The following ITLN1 variants were observed in gnomAD, a reference collection of about 807,000 sequenced individuals.
ITLN1 encodes the protein intelectin 1.
Under a neutral mutation model 36.2 loss-of-function variants are expected in ITLN1, and 29 were observed. That is an observed-to-expected ratio of 0.80 (90% CI 0.60 to 1.09). ITLN1 has a LOEUF of 1.09. ITLN1 is among the 50% of genes least tolerant of loss of function. ITLN1 has a pLI of 0.00. For synonymous variants in ITLN1, 143 were observed against 146.5 expected, an observed-to-expected ratio of 0.98 and a Z score of 0.17; for missense variants, 358 against 405.2, an observed-to-expected ratio of 0.88 and a Z score of 1.00.
In ITLN1 at chr1:160,881,820, A is replaced by G. The variant is rs1670683946; in HGVS notation, c.405+137T>C. ...CCGTCTCAAGAAAAAAAAAAAAAAA[A>G]AAAAAGATATAAGTATTTCTCTCTT... On this transcript the variant is annotated intron_variant, in intron 4 of 7. Transcript: ENST00000326245. The G allele has an allele frequency of 2.5e-6, 3 of 1,221,430 alleles. No homozygotes were observed. In the Admixed American group the frequency reaches 6.7e-5, roughly 27 times the overall value. The allele number at this position is 1,221,430 out of a possible 1,614,324, so 75.7% of individuals were successfully genotyped here.
At chr1:160,884,100 G>A (rs551489478) in intron 2 of ITLN1, among the ~76,000 whole-genome samples, 1 of 151,376 alleles carries the variant, frequency 6.6e-6, no homozygotes, top group Non-Finnish European at 1.5e-5. Context: ...TGATTTATCA[G>A]TAGGAAGCCA....
intron 3 of ITLN1, 85 bp from the exon 4 acceptor site, chr1:160,882,289 A>G (rs1670694084): frequency 6.7e-7 from 1 of 1,501,006 alleles, no homozygotes. Flanking sequence ...CCTAGGAACC[A>G]GAGACATGGC....
At chr1:160,882,351 G>T in intron 3 of ITLN1, 147 bp from the exon 4 acceptor site, 1 of 937,308 alleles carries the variant, frequency 1.1e-6, no homozygotes, top group Non-Finnish European at 1.5e-6. Context: ...GGGGTACTGG[G>T]GCCTCCCTGA....
intron 7 of ITLN1, 35 bp downstream of exon 7, chr1:160,879,272 CCTTA>C: frequency 6.8e-7 from 1 of 1,461,988 alleles, no homozygotes; most frequent in Non-Finnish European, 9.6e-7. Flanking sequence ...ACAAACTCGA[CCTTA>C]CTCACAGGTC....
Position 160,883,584 on chromosome 1 carries a change from C to T in ITLN1, c.59-58G>A, listed in dbSNP as rs989859515. The T allele has an allele frequency of 7.5e-6, 9 of 1,197,004 alleles. No individual in the cohort carries two copies. In the African/African-American group the frequency reaches 1.2e-4, roughly 16 times the overall value. 74.1% of individuals were successfully genotyped at this position (1,197,004 alleles called of 1,614,324 possible). On this transcript the variant is annotated intron_variant, in intron 2 of 7. Transcript: ENST00000326245. ...GGTTTGACACAAAACCTACCCTCTC[C>T]TATCACTAGTCCCACGCTCATTCCA...
Position 160,882,181 on chromosome 1 carries a change from C to T in ITLN1, c.181G>A (p.Glu61Lys), listed in dbSNP as rs748840487. Residue 61 changes from glutamate (E) to lysine (K), a missense_variant, in exon 4 of 8, where the codon GAG (glutamate) becomes AAG (lysine). Physicochemically the swap from Glu to Lys is moderately conservative, Grantham distance 56. Coordinates refer to ENST00000326245, the MANE Select transcript of ITLN1 (RefSeq NM_017625.3). ...AFDGLYFLRT[E>K]NGVIYQTFCD... ...AAGGTCTGGTAGATAACACCATTCT[C>T]AGTGCGGAGAAAATACAGGCCATCT... The T allele has an allele frequency of 7.5e-6, 12 of 1,590,506 alleles. No individual in the cohort carries two copies. Among genetic ancestry groups the T allele is most frequent in the Admixed American group, 1.7e-5 (1 of 58,620 alleles).
chr1:160,883,635 G>C, intron 2 of ITLN1, 109 bp from the exon 3 acceptor site: 2 of 718,136 alleles, frequency 2.8e-6, no homozygotes, highest in Admixed American at 4.2e-5. Context: ...CTCGCTGCCC[G>C]GGTGGTAAGG....
Position 160,879,359 on chromosome 1 carries a change from G to C in ITLN1, c.741C>G (p.Ala247=), listed in dbSNP as rs1346777170. ...QFRVFNNERA[A]NALCAGMRVT... ...CCCTCATTCCAGCACACAAGGCGTT[G>C]GCTGCTCTCTCGTTATTAAATACCC... Residue 247 remains alanine (A), a synonymous_variant, in exon 7 of 8, where the codon GCC becomes GCG. Coordinates refer to ENST00000326245, the MANE Select transcript of ITLN1 (RefSeq NM_017625.3). The C allele has an allele frequency of 9.3e-6, 15 of 1,613,974 alleles. No homozygotes were observed. Among genetic ancestry groups the C allele is most frequent in the Non-Finnish European group, 1.3e-5 (15 of 1,180,014 alleles).
At chr1:160,879,911 A>G (rs1557855476) in intron 6 of ITLN1, among the ~76,000 whole-genome samples, 1 of 152,192 alleles carries the variant, frequency 6.6e-6, no homozygotes, top group Non-Finnish European at 1.5e-5. Flanking sequence ...TAGAAAAAAA[A>G]GTCTCGCCAT....
chr1:160,876,609 A>C lies in ITLN1; in HGVS notation c.*55T>G. 2 of 1,580,016 alleles carry C rather than the reference A, an allele frequency of 1.3e-6. No homozygotes were observed. The highest frequency in any genetic ancestry group is 8.7e-7 in the Non-Finnish European group (1 of 1,153,320). ...CTAGCTACTGGGTAAGTTGTTCTCC[A>C]TCCTTGGGATCTCATGGTTGGGAGG... On this transcript the variant is annotated 3_prime_UTR_variant, in exon 8 of 8. Transcript: ENST00000326245.
Position 160,880,659 on chromosome 1 carries a change from G to C in ITLN1, c.614C>G (p.Pro205Arg), listed in dbSNP as rs147618489. The C allele has an allele frequency of 1.2e-6, 2 of 1,613,972 alleles. No individual in the cohort carries two copies. The highest frequency in any genetic ancestry group is 1.7e-6 in the Non-Finnish European group (2 of 1,179,928). ...GEGKCWTDNGPVIPVVYDFGD... is the reference protein window; with the variant it reads ...GEGKCWTDNGRVIPVVYDFGD... ...AAAATCATAGACCACAGGGATCACC[G>C]GGCCGTTGTCAGTCCAACACTTTCC... The change falls in exon 6 of 8, where the codon CCG becomes CGG. Residue 205 changes from proline to arginine, a missense_variant. Transcript: ENST00000326245.
chr1:160,880,437 G>A (rs1670656473), intron 6 of ITLN1, 151 bp downstream of exon 6: 3 of 733,298 alleles, frequency 4.1e-6, no homozygotes, highest in African/African-American at 1.8e-5. Flanking sequence ...ATAAAGTTCA[G>A]ATCTCAAAGG....
Position 160,880,715 on chromosome 1 carries a change from A to G in ITLN1, c.565-7T>C. On this transcript the variant is annotated splice_polypyrimidine_tract_variant and splice_region_variant and intron_variant, in intron 5 of 7. Transcript: ENST00000326245. ...CATATTTCACTGGATATTTCTACAA[A>G]GAACACAGAAAAAGTCATGGAGTAA... is the stretch of plus-strand genomic sequence containing the variant. 2 of 1,614,064 alleles carry G rather than the reference A, an allele frequency of 1.2e-6. No homozygotes were observed. The highest frequency in any genetic ancestry group is 1.7e-6 in the Non-Finnish European group (2 of 1,179,978).
rs566646591 is a variant in ITLN1, at chr1:160,877,257, C to T, written c.790-441G>A. 1.2e-3 allele frequency among the ~76,000 whole-genome samples: 183 copies of T among 151,668 alleles called. 5 individuals carry two copies. The South Asian group carries it at 0.026, about 22-fold the overall frequency. ...GTCTCAAAAGAAAAAAAAAAAAACTCTCTTCCTTTAGCTTTAGTGACATTA... is the reference window on the plus strand; with the variant it reads ...GTCTCAAAAGAAAAAAAAAAAAACTTTCTTCCTTTAGCTTTAGTGACATTA... On this transcript the variant is annotated intron_variant, in intron 7 of 7. Coordinates refer to ENST00000326245, the MANE Select transcript of ITLN1 (RefSeq NM_017625.3).
At chr1:160,880,813 G>T in intron 5 of ITLN1, 105 bp from the exon 6 acceptor site, 1 of 1,311,250 alleles carries the variant, frequency 7.6e-7, no homozygotes. Context: ...TGCTTTCTCA[G>T]TAACTGAGAT....
chr1:160,881,190 G>C lies in ITLN1; in HGVS notation c.528C>G (p.Leu176=). 1 of 1,613,576 alleles carries C rather than the reference G, an allele frequency of 6.2e-7. No individual in the cohort carries two copies. The highest frequency in any genetic ancestry group is 8.5e-7 in the Non-Finnish European group (1 of 1,179,674). Residue 176 remains leucine, a synonymous_variant, in exon 5 of 8, where the codon CTC becomes CTG. Transcript: ENST00000326245. ...LLRYRTDTGF[L]QTLGHNLFGI... is the part of the protein sequence containing the mutation. ...CAAACAGATTATGTCCCAGTGTCTG[G>C]AGGAAGCCAGTGTCCGTGCGGTACC...
intron 7 of ITLN1, among the ~76,000 whole-genome samples, chr1:160,877,177 C>T (rs562945697): frequency 2.6e-5 from 4 of 151,562 alleles, no homozygotes; most frequent in African/African-American, 9.7e-5. Flanking sequence ...GTGGAGGTTG[C>T]GGTGAGCTTA....
chr1:160,877,709 C>T (rs1368334593), intron 7 of ITLN1, among the ~76,000 whole-genome samples: 1 of 152,198 alleles, frequency 6.6e-6, no homozygotes, highest in Non-Finnish European at 1.5e-5. Flanking sequence ...GGACCTGGGT[C>T]CCCACAAAAT....
chr1:160,878,400 T>TTA (rs1553199680), intron 7 of ITLN1, among the ~76,000 whole-genome samples: 87 of 150,704 alleles, frequency 5.8e-4, no homozygotes, highest in African/African-American at 2.0e-3. Context: ...TTTTTTTTTT[T>TTA]ATTGAGACAG....
Sources: gnomAD v4.1 joint callset for allele counts (sites outside exome capture counted in the v4.1 genomes callset) on GRCh38, gnomAD v4.1.1 for gene constraint, MANE v1.5 for transcripts, NCBI Gene and HGNC (gene_info 2026-07-23, HGNC 2026-07-21) for gene names.